Variants in ATP8B2 observed in about 807,000 individuals in gnomAD.
The protein encoded by ATP8B2 is ATPase phospholipid transporting 8B2.
In ATP8B2, 70 loss-of-function variants were observed where a neutral mutation model predicts 133.4. That is an observed-to-expected ratio of 0.52 (90% CI 0.43 to 0.64). ATP8B2 has a LOEUF of 0.64. ATP8B2 is among the 30% of genes least tolerant of loss of function. The pLI, the probability that ATP8B2 is intolerant of heterozygous loss-of-function variation, is 0.00. For missense variants in ATP8B2, 1,101 were observed against 1,535.7 expected, an observed-to-expected ratio of 0.72 and a Z score of 4.73; for synonymous variants, 517 against 589.5, an observed-to-expected ratio of 0.88 and a Z score of 1.78.
Position 154,334,668 on chromosome 1 carries a change from C to T in ATP8B2, c.837+77C>T. 1 of 1,310,794 alleles carries T rather than the reference C, an allele frequency of 7.6e-7. No individual in the cohort carries two copies. The highest frequency in any genetic ancestry group is 1.1e-6 in the Non-Finnish European group (1 of 922,770). The allele number at this position is 1,310,794 out of a possible 1,614,324, so 81.2% of individuals were successfully genotyped here. ...TGCTCCTTTTCCTTTCCTCTTTCTT[C>T]TTTGGTCAGTAGACTTCAGGTTTGG... On this transcript the variant is annotated intron_variant, in intron 11 of 27. Transcript: ENST00000368489. The surrounding 1 kb of genome is among the most constrained non-coding windows in gnomAD (Gnocchi z 4.6).
chr1:154,348,669 A>T, intron 27 of ATP8B2, 131 bp downstream of exon 27: 1 of 1,436,424 alleles, frequency 7.0e-7, no homozygotes, highest in Non-Finnish European at 9.4e-7. Context: ...CTTCCTGGGG[A>T]CAGACACCCT....
rs1347836222 is a variant in ATP8B2, at chr1:154,343,654, T to C, written c.1758+86T>C. 1 of 1,297,572 alleles carries C rather than the reference T, an allele frequency of 7.7e-7. No individual in the cohort carries two copies. The highest frequency in any genetic ancestry group is 2.4e-5 in the East Asian group (1 of 41,800). 80.4% of individuals were successfully genotyped at this position (1,297,572 alleles called of 1,614,324 possible). A position where few individuals can be genotyped will look rare whatever the true frequency, so the allele number is the denominator to read the frequency against. On this transcript the variant is annotated intron_variant, in intron 17 of 27. Transcript: ENST00000368489. The surrounding 1 kb of genome is among the most constrained non-coding windows in gnomAD (Gnocchi z 5.8). ...ACTTAAGTTTGTTTTATTGTGTAAA[T>C]TTAAGGTCTACAACGTGATGTTTTG... is the stretch of plus-strand genomic sequence containing the variant.
At chr1:154,338,887 A>G (rs1202716629) in intron 12 of ATP8B2, 2 of 152,240 alleles carry the variant, frequency 1.3e-5, no homozygotes, top group Non-Finnish European at 2.9e-5. Flanking sequence ...GTACAGCATG[A>G]ATAGGATCAA....
In ATP8B2 at chr1:154,345,247, G is replaced by A; in HGVS notation, c.2471-75G>A. 1 of 1,602,960 alleles carries A rather than the reference G, an allele frequency of 6.2e-7. No individual in the cohort carries two copies. Among genetic ancestry groups the A allele is most frequent in the African/African-American group, 1.3e-5 (1 of 74,672 alleles). On this transcript the variant is annotated intron_variant, in intron 22 of 27. Transcript: ENST00000368489. This position sits in a 1 kb window ranked among gnomAD's most constrained non-coding sequence, Gnocchi z 5.6. ...GACTGCAGAAGAATGACGGGAAGGG[G>A]GTTGTAACTTGGTAGGCTCTAAAGT...
At chr1:154,348,256 T>G in intron 26 of ATP8B2, 152 bp from the exon 27 acceptor site, 1 of 823,946 alleles carries the variant, frequency 1.2e-6, no homozygotes, top group Non-Finnish European at 1.8e-6. Flanking sequence ...TGGAGCTAAA[T>G]TTGGAGATTT....
rs764335281 is a variant in ATP8B2 at position 154,345,158 on chromosome 1, AGT to A, written c.2470+8_2470+9del. 4.3e-6 allele frequency: 7 copies of A among 1,612,576 alleles called. No homozygotes were observed. The African/African-American group carries it at 9.3e-5, about 22-fold the overall frequency. ...AATGATGTCAGCATGATCAAAAGTG[AGT>A]GTGGGCTGTGCAGGTGTGTAGGCTG... On this transcript the variant is annotated splice_donor_5th_base_variant and intron_variant, in intron 22 of 27. Transcript: ENST00000368489. The surrounding 1 kb of genome is among the most constrained non-coding windows in gnomAD (Gnocchi z 5.6).
In ATP8B2 at chr1:154,331,365, C is replaced by A; in HGVS notation, c.304-79C>A. The A allele has an allele frequency of 1.4e-6, 2 of 1,476,302 alleles. No homozygotes were observed. The highest frequency in any genetic ancestry group is 1.1e-5 in the South Asian group (1 of 87,398). The allele number at this position is 1,476,302 out of a possible 1,614,324, so 91.5% of individuals were successfully genotyped here. A position where few individuals can be genotyped will look rare whatever the true frequency, so the allele number is the denominator to read the frequency against. On this transcript the variant is annotated intron_variant, in intron 5 of 27. Transcript: ENST00000368489. The surrounding 1 kb of genome is among the most constrained non-coding windows in gnomAD (Gnocchi z 4.8). Reference sequence around the variant, plus strand: ...GGGGTGTGTATGAGGCGTTAACCAGCATGCTCTGAGTTCTACTGATCAACG... The same window carrying A: ...GGGGTGTGTATGAGGCGTTAACCAGAATGCTCTGAGTTCTACTGATCAACG...
Position 154,331,667 on chromosome 1 carries a change from C to G in ATP8B2, c.427C>G (p.Gln143Glu), listed in dbSNP as rs1434129851. ...VGDIIKLENNQFVAADLLLLS... is the reference protein window; with the variant it reads ...VGDIIKLENNEFVAADLLLLS... Reference sequence around the variant, plus strand: ...TGATATTATCAAGCTAGAAAATAACCAGTTTGTGGCGGTAAGGGACAGGGT... The same window carrying G: ...TGATATTATCAAGCTAGAAAATAACGAGTTTGTGGCGGTAAGGGACAGGGT... The change falls in exon 7 of 28, where the codon CAG becomes GAG. Residue 143 changes from glutamine to glutamate, a missense_variant. By Grantham distance (29) the Gln-to-Glu change is conservative. Coordinates refer to ENST00000368489, the MANE Select transcript of ATP8B2 (RefSeq NM_001370597.1). The surrounding 1 kb of genome is among the most constrained non-coding windows in gnomAD (Gnocchi z 4.8). The G allele has an allele frequency of 1.2e-6, 2 of 1,614,142 alleles. No homozygotes were observed. Among genetic ancestry groups the G allele is most frequent in the Non-Finnish European group, 1.7e-6 (2 of 1,179,978 alleles).
In ATP8B2 at chr1:154,345,691, G is replaced by A; in HGVS notation, c.2695-109G>A. On this transcript the variant is annotated intron_variant, in intron 23 of 27. Coordinates refer to ENST00000368489, the MANE Select transcript of ATP8B2 (RefSeq NM_001370597.1). The surrounding 1 kb of genome is among the most constrained non-coding windows in gnomAD (Gnocchi z 5.6). ...TGCTTATTAAAGGAGGAGAGAAGGA[G>A]CCTCAGAAAATTTCTTAGGGTTCTC... 1 of 1,332,702 alleles carries A rather than the reference G, an allele frequency of 7.5e-7. No individual in the cohort carries two copies. Among genetic ancestry groups the A allele is most frequent in the East Asian group, 2.3e-5 (1 of 43,420 alleles). The allele number at this position is 1,332,702 out of a possible 1,614,324, so 82.6% of individuals were successfully genotyped here.
chr1:154,338,240 G>A (rs1364760592), intron 12 of ATP8B2, among the ~76,000 whole-genome samples: 1 of 152,226 alleles, frequency 6.6e-6, no homozygotes, highest in Non-Finnish European at 1.5e-5. Context: ...ATGGGAGCCT[G>A]GGAATGGCCT....
chr1:154,331,712 T>C lies in ATP8B2; in HGVS notation c.438+34T>C, dbSNP rs557832046. The C allele has an allele frequency of 6.9e-6, 11 of 1,583,326 alleles. No homozygotes were observed. The highest frequency in any genetic ancestry group is 9.5e-6 in the Non-Finnish European group (11 of 1,152,134). On this transcript the variant is annotated intron_variant, in intron 7 of 27. Coordinates refer to ENST00000368489, the MANE Select transcript of ATP8B2 (RefSeq NM_001370597.1). This position sits in a 1 kb window ranked among gnomAD's most constrained non-coding sequence, Gnocchi z 4.8. The stretch of plus-strand genomic sequence containing the variant: ...CAGGGTACCCCTCTAGGCCTGTAGG[T>C]TCTTCCTCTTCTTTGTGAGAAAAGG...
rs1413916158 is a variant in ATP8B2 at position 154,348,511 on chromosome 1, C to G, written c.3267C>G (p.Leu1089=). Residue 1089 remains leucine, a synonymous_variant, in exon 27 of 28, where the codon CTC becomes CTG. Transcript: ENST00000368489. ...TGGTTGCCTTCCGATTCCTCAGGCT[C>G]AACCTGAAGCCGGATCTCTCCGACA... ...MPVVAFRFLR[L]NLKPDLSDTV... The G allele has an allele frequency of 6.2e-7, 1 of 1,614,120 alleles. No individual in the cohort carries two copies. The highest frequency in any genetic ancestry group is 8.5e-7 in the Non-Finnish European group (1 of 1,179,998).
rs896469892 is a variant in ATP8B2 at position 154,328,554 on chromosome 1, G to GTT, written c.31+383_31+384insTT. On this transcript the variant is annotated intron_variant, in intron 2 of 27. Coordinates refer to ENST00000368489, the MANE Select transcript of ATP8B2 (RefSeq NM_001370597.1). This position sits in a 1 kb window ranked among gnomAD's most constrained non-coding sequence, Gnocchi z 4.6. Reference sequence around the variant, plus strand: ...TTTCCGCGGGCGGGGGTGTGTGTGTGTGAAAGCGGTTGCCCCCGACAACGC... The same window carrying GTT: ...TTTCCGCGGGCGGGGGTGTGTGTGTGTTTGAAAGCGGTTGCCCCCGACAACGC... Among the ~76,000 whole-genome samples, 10 of 152,288 alleles carry GTT rather than the reference G, an allele frequency of 6.6e-5. No individual in the cohort carries two copies. Among genetic ancestry groups the GTT allele is most frequent in the Non-Finnish European group, 1.5e-4 (10 of 68,010 alleles).
rs1218742187 is a variant in ATP8B2, at chr1:154,350,107, C to G, written c.*989C>G. 2 of 150,618 alleles carry G rather than the reference C, an allele frequency of 1.3e-5. No individual in the cohort carries two copies. The highest frequency in any genetic ancestry group is 2.4e-5 in the African/African-American group (1 of 40,922). The allele number at this position is 150,618 out of a possible 1,614,324, so 9.3% of individuals were successfully genotyped here. A position where few individuals can be genotyped will look rare whatever the true frequency, so the allele number is the denominator to read the frequency against. ...TTTTTTTTTGAGATGGAGTCTCACT[C>G]TTGTCACCTAGGCAAGAGTGCAATG... On this transcript the variant is annotated 3_prime_UTR_variant, in exon 28 of 28. Transcript: ENST00000368489.
chr1:154,336,987 G>A (rs758058860), intron 11 of ATP8B2, among the ~76,000 whole-genome samples: 4 of 151,634 alleles, frequency 2.6e-5, no homozygotes, highest in Non-Finnish European at 5.9e-5. Flanking sequence ...TAGTAGAGAC[G>A]GGGTTTCACC....
chr1:154,332,253 G>A (rs1468146844), intron 8 of ATP8B2, among the ~76,000 whole-genome samples: 1 of 152,188 alleles, frequency 6.6e-6, no homozygotes, highest in Non-Finnish European at 1.5e-5. Context: ...ATGGGGAGAG[G>A]TGGGCATGGT....
chr1:154,330,272 C>A, intron 2 of ATP8B2, 124 bp from the exon 3 acceptor site: 2 of 744,356 alleles, frequency 2.7e-6, no homozygotes, highest in Non-Finnish European at 2.2e-6. Flanking sequence ...ATTTGATGAC[C>A]CCCTCAGTTG....
At chr1:154,327,723 TG>T in intron 1 of ATP8B2, 2 of 1,459,112 alleles carry the variant, frequency 1.4e-6, no homozygotes, top group Non-Finnish European at 1.9e-6. Flanking sequence ...CCCCACCCTT[TG>T]GGGAAACTGC....
chr1:154,348,743 T>A (rs1686683254), intron 27 of ATP8B2, 97 bp from the exon 28 acceptor site: 2 of 1,429,808 alleles, frequency 1.4e-6, no homozygotes, highest in Non-Finnish European at 1.9e-6. Flanking sequence ...CGGAGGCCTC[T>A]GTGTCAGCCT....
Sources: allele counts gnomAD v4.1 joint callset (sites outside exome capture counted in the v4.1 genomes callset), GRCh38; gene constraint gnomAD v4.1.1; non-coding constraint Gnocchi (gnomAD v3.1); transcripts MANE v1.5; gene names NCBI Gene and HGNC (gene_info 2026-07-23, HGNC 2026-07-21).